Variants in TPCN1 observed in about 807,000 individuals in gnomAD.
TPCN1 encodes the protein two pore channel protein 1.
A neutral mutation model predicts 108.8 loss-of-function variants in TPCN1; 52 were observed. The ratio of observed to expected loss-of-function variants is 0.48; its 90% CI spans 0.38 to 0.60. The LOEUF is 0.60. Among genes scored for constraint, TPCN1 ranks in the 20% least tolerant of loss-of-function variants. The pLI, the probability that TPCN1 is intolerant of heterozygous loss-of-function variation, is 0.00. For missense variants in TPCN1, 806 were observed against 1,072.8 expected (o/e 0.75, Z 3.47); for synonymous variants, 446 against 433.7 (o/e 1.03, Z -0.35).
intron 2 of TPCN1, among the ~76,000 whole-genome samples, chr12:113,237,144 T>G (rs1953928194): frequency 6.6e-6 from 1 of 152,172 alleles, no homozygotes; most frequent in South Asian, 2.1e-4. Flanking sequence ...GCCAACTTGA[T>G]AAGCCCTGAG....
intron 2 of TPCN1, among the ~76,000 whole-genome samples, chr12:113,258,979 A>C (rs940056874): frequency 7.1e-6 from 1 of 141,138 alleles, no homozygotes; most frequent in African/African-American, 2.6e-5. Flanking sequence ...AAAACATTAG[A>C]TTTTTTTTTT....
chr12:113,244,473 G>T, intron 2 of TPCN1: 2 of 985,436 alleles, frequency 2.0e-6, no homozygotes, highest in Non-Finnish European at 2.4e-6. Context: ...GAAAGAGAAG[G>T]CCTGAGCAGG....
At position 113,232,987 on chromosome 12, in the gene TPCN1, T is replaced by C. The variant is rs1953745052; in HGVS notation, c.112+6023T>C. ...TGGGCATTTGGCTCCGCTGGAGTCA[T>C]TCCCCTGGCTTTTTCAGGGCCTCAC... On this transcript the variant is annotated intron_variant, in intron 2 of 27. Transcript: ENST00000335509. The surrounding 1 kb of genome is among the most constrained non-coding windows in gnomAD (Gnocchi z 5.6). 6.6e-6 allele frequency among the ~76,000 whole-genome samples: 1 copy of C among 152,122 alleles called. No homozygotes were observed. Among genetic ancestry groups the C allele is most frequent in the Non-Finnish European group, 1.5e-5 (1 of 68,020 alleles).
chr12:113,251,348 C>T (rs1288872710), intron 2 of TPCN1, among the ~76,000 whole-genome samples: 1 of 152,222 alleles, frequency 6.6e-6, no homozygotes, highest in Non-Finnish European at 1.5e-5. Flanking sequence ...GAATTTGAGT[C>T]TAGCTTGGGC....
chr12:113,285,381 CT>C (rs10715760), intron 17 of TPCN1, among the ~76,000 whole-genome samples: 16,508 of 152,060 alleles, frequency 0.11, 1,055 homozygotes, highest in East Asian at 0.21. Flanking sequence ...ATTTCTCTCT[CT>C]TTTTTTGGGG....
chr12:113,290,899 T>G, intron 22 of TPCN1, 53 bp from the exon 23 acceptor site: 1 of 1,584,140 alleles, frequency 6.3e-7, no homozygotes, highest in South Asian at 1.1e-5. Context: ...CACTTGAAAT[T>G]GACTTTGAAG....
intron 1 of TPCN1, chr12:113,225,324 G>C (rs559675546): frequency 2.3e-6 from 1 of 443,524 alleles, no homozygotes; most frequent in African/African-American, 2.0e-5. Flanking sequence ...CTCCCAAAGC[G>C]CTGAGATTAC....
At chr12:113,279,372 T>TAC (rs1955795783) in intron 14 of TPCN1, among the ~76,000 whole-genome samples, 1 of 27,998 alleles carries the variant, frequency 3.6e-5, no homozygotes, top group African/African-American at 1.7e-4. Context: ...TATATATATA[T>TAC]ATATATATAT....
intron 7 of TPCN1, among the ~76,000 whole-genome samples, chr12:113,270,948 T>A (rs527863337): frequency 6.6e-6 from 1 of 152,256 alleles, no homozygotes; most frequent in South Asian, 2.1e-4. Flanking sequence ...GCAGGTAGTT[T>A]TATAAATTCA....
chr12:113,281,769 C>T (rs1045557771), intron 15 of TPCN1, among the ~76,000 whole-genome samples: 2 of 152,076 alleles, frequency 1.3e-5, no homozygotes, highest in African/African-American at 4.8e-5. Context: ...AAGCTCCTGG[C>T]CTCAAGCCAT....
chr12:113,221,871 CTGGGAG>C (rs1211652306), intron 1 of TPCN1, among the ~76,000 whole-genome samples: 8 of 152,174 alleles, frequency 5.3e-5, no homozygotes, highest in Non-Finnish European at 1.2e-4. Flanking sequence ...CAGCCAGGGG[CTGGGAG>C]CACGTGGAGC....
chr12:113,285,564 T>C (rs1418971377), intron 17 of TPCN1, among the ~76,000 whole-genome samples: 2 of 152,184 alleles, frequency 1.3e-5, no homozygotes, highest in African/African-American at 4.8e-5. Context: ...TTTGTAAAGA[T>C]GGGGTCTCAC....
intron 15 of TPCN1, among the ~76,000 whole-genome samples, chr12:113,280,904 T>C (rs1419584320): frequency 6.6e-6 from 1 of 152,166 alleles, no homozygotes; most frequent in Non-Finnish European, 1.5e-5. Context: ...TCTAGGCCTT[T>C]CCATGGACAG....
intron 2 of TPCN1, among the ~76,000 whole-genome samples, chr12:113,228,585 G>A (rs780654198): frequency 6.6e-6 from 1 of 152,190 alleles, no homozygotes; most frequent in Non-Finnish European, 1.5e-5. Context: ...ACTCCAGCCT[G>A]GGCAACAGAG....
At chr12:113,291,046 T>C (rs1956248908) in intron 23 of TPCN1, 48 bp downstream of exon 23, 1 of 1,583,852 alleles carries the variant, frequency 6.3e-7, no homozygotes, top group South Asian at 1.1e-5. Flanking sequence ...AGCCCTGGGG[T>C]CGGCCCTGGG....
chr12:113,225,323 C>T (rs1392498561), intron 1 of TPCN1: 6 of 442,284 alleles, frequency 1.4e-5, no homozygotes, highest in Admixed American at 2.4e-5. Context: ...CCTCCCAAAG[C>T]GCTGAGATTA....
In TPCN1 at chr12:113,269,842, C is replaced by T. The variant is rs1222774636; in HGVS notation, c.745C>T (p.Leu249Phe). The change falls in exon 7 of 28, where the codon CTC becomes TTC. Residue 249 changes from leucine to phenylalanine, a missense_variant. Coordinates refer to ENST00000335509, the MANE Select transcript of TPCN1 (RefSeq NM_017901.6). The surrounding 1 kb of genome is among the most constrained non-coding windows in gnomAD (Gnocchi z 5.0). ...LLFFMIIFAI[L>F]GFYLFSPNPS... ...GTTCTTCATGATCATCTTTGCCATC[C>T]TCGGTGAGTTCCCGCCTCTCAGGCC... is the stretch of plus-strand genomic sequence containing the variant. 6.2e-7 allele frequency: 1 copy of T among 1,613,862 alleles called. No individual in the cohort carries two copies.
At chr12:113,263,227 G>A (rs955866189) in intron 3 of TPCN1, among the ~76,000 whole-genome samples, 1 of 152,078 alleles carries the variant, frequency 6.6e-6, no homozygotes, top group Non-Finnish European at 1.5e-5. Flanking sequence ...AGAAAAACTT[G>A]GATTTCACAG....
chr12:113,285,103 G>T (rs942335748), intron 17 of TPCN1, among the ~76,000 whole-genome samples: 1 of 152,224 alleles, frequency 6.6e-6, no homozygotes, highest in African/African-American at 2.4e-5. Context: ...GTGCACAGGG[G>T]TTTCCTCTGC....
Sources: allele counts gnomAD v4.1 joint callset (sites outside exome capture counted in the v4.1 genomes callset), GRCh38; gene constraint gnomAD v4.1.1; non-coding constraint Gnocchi (gnomAD v3.1); transcripts MANE v1.5; gene names NCBI Gene and HGNC (gene_info 2026-07-23, HGNC 2026-07-21).